The following AGO3 variants were observed in gnomAD, a reference collection of about 807,000 sequenced individuals.
The protein encoded by AGO3 is argonaute RISC catalytic component 3.
Under a neutral mutation model 105.5 loss-of-function variants are expected in AGO3, and 16 were observed. The ratio of observed to expected loss-of-function variants is 0.15; its 90% confidence interval spans 0.10 to 0.23. AGO3 has a LOEUF of 0.23. Ranked by LOEUF, AGO3 falls within the 10% of genes least tolerant of loss-of-function variation. The probability of loss-of-function intolerance (pLI) is 1.00; values close to 1 mark genes in which losing one functional copy is unlikely to be tolerated. For missense variants in AGO3, 534 were observed against 1,088.0 expected, an observed-to-expected ratio of 0.49 and a Z score of 7.16; for synonymous variants, 340 against 367.3, an observed-to-expected ratio of 0.93 and a Z score of 0.85.
chr1:36,067,335 T>C lies in AGO3; in HGVS notation c.*11590T>C, dbSNP rs747563343. On this transcript the variant is annotated 3_prime_UTR_variant, in exon 19 of 19. Transcript: ENST00000373191. ...TTTGCTAGCAACAGACTTGATCTTC[T>C]ATAGTAATTAATTGCAATTAAGGTT... 1 of 152,262 alleles carries C rather than the reference T, an allele frequency of 6.6e-6. No homozygotes were observed. Among genetic ancestry groups the C allele is most frequent in the Non-Finnish European group, 1.5e-5 (1 of 68,074 alleles). The allele number at this position is 152,262 out of a possible 1,614,324, so 9.4% of individuals were successfully genotyped here. A position where few individuals can be genotyped will look rare whatever the true frequency, so the allele number is the denominator to read the frequency against.
chr1:36,036,716 A>G (rs1163960958), intron 14 of AGO3, among the ~76,000 whole-genome samples: 1 of 151,990 alleles, frequency 6.6e-6, no homozygotes, highest in Non-Finnish European at 1.5e-5. Flanking sequence ...TATTTTTTTC[A>G]GACAAAGTTA....
chr1:36,015,155 T>G (rs1469147718), intron 11 of AGO3, among the ~76,000 whole-genome samples: 1 of 152,200 alleles, frequency 6.6e-6, no homozygotes, highest in Non-Finnish European at 1.5e-5. Context: ...TGGGTTCCCA[T>G]GACCCCCTCT....
intron 1 of AGO3, among the ~76,000 whole-genome samples, chr1:35,941,213 T>C (rs1374454314): frequency 6.6e-6 from 1 of 152,128 alleles, no homozygotes; most frequent in Admixed American, 6.5e-5. Context: ...ATACCCCACA[T>C]CTAGTCCATT....
In AGO3 at chr1:36,066,705, A is replaced by G. The variant is rs1185714783; in HGVS notation, c.*10960A>G. 1 of 152,216 alleles carries G rather than the reference A, an allele frequency of 6.6e-6. No individual in the cohort carries two copies. Among genetic ancestry groups the G allele is most frequent in the Non-Finnish European group, 1.5e-5 (1 of 68,038 alleles). The allele number at this position is 152,216 out of a possible 1,614,324, so 9.4% of individuals were successfully genotyped here. A position where few individuals can be genotyped will look rare whatever the true frequency, so the allele number is the denominator to read the frequency against. On this transcript the variant is annotated 3_prime_UTR_variant, in exon 19 of 19. Transcript: ENST00000373191. ...TTTAATAGTCTTTTTAGAACCAAAG[A>G]AGGAAAGACTGCAAAAATGTTGCAT...
intron 5 of AGO3, among the ~76,000 whole-genome samples, chr1:35,990,276 A>AG (rs945577034): frequency 2.6e-5 from 4 of 152,092 alleles, no homozygotes; most frequent in Non-Finnish European, 4.4e-5. Context: ...TGGGAGGCCG[A>AG]GGGGGGTGGA....
intron 5 of AGO3, among the ~76,000 whole-genome samples, chr1:35,975,419 TTCG>T (rs1646938508): frequency 6.6e-6 from 1 of 152,224 alleles, no homozygotes; most frequent in African/African-American, 2.4e-5. Flanking sequence ...TATTGGATTT[TTCG>T]TCTTCTTATT....
intron 8 of AGO3, 65 bp from the exon 9 acceptor site, chr1:36,009,410 G>A (rs926477576): frequency 3.2e-5 from 47 of 1,488,626 alleles, no homozygotes; most frequent in Non-Finnish European, 3.9e-5. Flanking sequence ...CATGTAATTG[G>A]CACTAAGTAA....
At position 35,982,349 on chromosome 1, in the gene AGO3, A is replaced by G. The variant is rs191735119; in HGVS notation, c.658+8838A>G. On this transcript the variant is annotated intron_variant, in intron 5 of 18. Transcript: ENST00000373191. Reference sequence around the variant, plus strand: ...TTTGAACTGAAGGACAATGAATACAATACATATCAGAACTGGTATGATCAG... The same window carrying G: ...TTTGAACTGAAGGACAATGAATACAGTACATATCAGAACTGGTATGATCAG... 6.2e-3 allele frequency among the ~76,000 whole-genome samples: 944 copies of G among 152,322 alleles called. 7 individuals are homozygous for G. Among genetic ancestry groups the G allele is most frequent in the African/African-American group, 0.022 (899 of 41,554 alleles).
chr1:36,005,751 T>G (rs1412168159), intron 6 of AGO3: 2 of 985,288 alleles, frequency 2.0e-6, no homozygotes, highest in African/African-American at 1.7e-5. Context: ...AGGATTCAAC[T>G]GCTGCCCGAA....
At chr1:36,026,235 A>G (rs1641497261) in intron 11 of AGO3, among the ~76,000 whole-genome samples, 1 of 152,038 alleles carries the variant, frequency 6.6e-6, no homozygotes. Flanking sequence ...CAGCCTCCCA[A>G]GGAGCAGGGA....
At chr1:35,985,339 A>G (rs1647148492) in intron 5 of AGO3, among the ~76,000 whole-genome samples, 1 of 152,218 alleles carries the variant, frequency 6.6e-6, no homozygotes. Flanking sequence ...ATAAGTCGAT[A>G]TTAAGATTTA....
intron 14 of AGO3, among the ~76,000 whole-genome samples, chr1:36,039,221 TGCGGTG>T (rs952028109): frequency 6.6e-6 from 1 of 151,950 alleles, no homozygotes; most frequent in African/African-American, 2.4e-5. Flanking sequence ...GTAGGCTGGG[TGCGGTG>T]GCTCATGCCT....
chr1:36,028,402 C>A (rs77793335), intron 12 of AGO3, among the ~76,000 whole-genome samples: 30 of 108,968 alleles, frequency 2.8e-4, no homozygotes, highest in South Asian at 4.1e-4. Context: ...CCCCCCCCCC[C>A]ACCCCACAAC....
intron 1 of AGO3, among the ~76,000 whole-genome samples, chr1:35,942,745 C>T (rs1212923729): frequency 2.6e-5 from 4 of 152,020 alleles, no homozygotes; most frequent in African/African-American, 7.2e-5. Context: ...AAATATACAA[C>T]CATTAAATTT....
In AGO3 at chr1:35,972,095, C is replaced by G. The variant is rs770206914; in HGVS notation, c.384C>G (p.Val128=). ...CTTTCAAGGTGTCAATCAAATTTGT[C>G]TCTCGGGTGAGTTGGCACCTACTGC... is the stretch of plus-strand genomic sequence containing the variant. ...DRPFKVSIKF[V]SRVSWHLLHE... is the part of the protein sequence containing the mutation. Residue 128 remains valine (V), a synonymous_variant, in exon 4 of 19, where the codon GTC becomes GTG. Coordinates refer to ENST00000373191, the MANE Select transcript of AGO3 (RefSeq NM_024852.4). The G allele has an allele frequency of 3.1e-6, 5 of 1,614,108 alleles. No individual in the cohort carries two copies. The highest frequency in any genetic ancestry group is 4.2e-6 in the Non-Finnish European group (5 of 1,180,032).
At chr1:36,006,628 T>A (rs1206669952) in intron 6 of AGO3, among the ~76,000 whole-genome samples, 1 of 152,180 alleles carries the variant, frequency 6.6e-6, no homozygotes, top group Admixed American at 6.5e-5. Flanking sequence ...TATTTCCTTC[T>A]TTTAAGATCC....
In AGO3 at chr1:35,968,572, T is replaced by G. The variant is rs115575394; in HGVS notation, c.312+1497T>G. 6.5e-3 allele frequency among the ~76,000 whole-genome samples: 996 copies of G among 152,316 alleles called. 8 individuals are homozygous for G. The highest frequency in any genetic ancestry group is 0.023 in the African/African-American group (948 of 41,566). ...GGCTTATTTCACAATTTATCCACATTGTTTCATGTGTTAGAATCTCCTTTT... is the reference window on the plus strand; with the variant it reads ...GGCTTATTTCACAATTTATCCACATGGTTTCATGTGTTAGAATCTCCTTTT... On this transcript the variant is annotated intron_variant, in intron 3 of 18. Coordinates refer to ENST00000373191, the MANE Select transcript of AGO3 (RefSeq NM_024852.4).
chr1:35,938,413 A>G (rs998098263), intron 1 of AGO3, among the ~76,000 whole-genome samples: 1 of 152,232 alleles, frequency 6.6e-6, no homozygotes, highest in Non-Finnish European at 1.5e-5. Context: ...AACCATTGTT[A>G]ACTCTTTCTT....
intron 2 of AGO3, among the ~76,000 whole-genome samples, chr1:35,963,164 G>C (rs567341481): frequency 5.1e-4 from 78 of 152,206 alleles, no homozygotes; most frequent in African/African-American, 1.8e-3. Context: ...TTCTCACATG[G>C]GTTCATAAGG....
Sources: allele counts gnomAD v4.1 joint callset (sites outside exome capture counted in the v4.1 genomes callset), GRCh38; gene constraint gnomAD v4.1.1; transcripts MANE v1.5; gene names NCBI Gene and HGNC (gene_info 2026-07-23, HGNC 2026-07-21).